MPPE1: variants seen among roughly 807,000 people sequenced by gnomAD.
The protein encoded by MPPE1 is metallophosphoesterase 1, also known as metallo phosphoesterase.
Under a neutral mutation model 43.8 loss-of-function variants are expected in MPPE1, and 28 were observed. The observed-to-expected ratio is 0.64, with a 90% CI of 0.47 to 0.88. The LOEUF is 0.88. Ranked by LOEUF, MPPE1 falls within the 40% of genes least tolerant of loss-of-function variation. The probability of loss-of-function intolerance (pLI) is 0.00; values close to 1 mark genes in which losing one functional copy is unlikely to be tolerated. For synonymous variants in MPPE1, 159 were observed against 188.5 expected, an observed-to-expected ratio of 0.84 and a Z score of 1.28; for missense variants, 428 against 492.2, an observed-to-expected ratio of 0.87 and a Z score of 1.23.
intron 2 of MPPE1, among the ~76,000 whole-genome samples, chr18:11,898,254 C>T (rs7232883): frequency 0.27 from 40,303 of 151,658 alleles, 7,881 homozygotes; most frequent in African/African-American, 0.55. Flanking sequence ...TTTTTTTTAG[C>T]AGAGACGGTT....
At chr18:11,901,200 T>C (rs1003570975) in intron 2 of MPPE1, among the ~76,000 whole-genome samples, 2 of 152,010 alleles carry the variant, frequency 1.3e-5, no homozygotes, top group Non-Finnish European at 2.9e-5. Context: ...AGAATGGCAT[T>C]ACCTATATTA....
intron 10 of MPPE1, 126 bp downstream of exon 10, chr18:11,885,550 T>G (rs904677791): frequency 2.3e-5 from 27 of 1,165,550 alleles, no homozygotes; most frequent in Non-Finnish European, 3.3e-5. Context: ...GAGCTACGTG[T>G]AGAAGGAGAG....
In MPPE1 at chr18:11,886,952, T is replaced by A; in HGVS notation, c.643A>T (p.Ile215Phe). 6.2e-7 allele frequency: 1 copy of A among 1,613,742 alleles called. No homozygotes were observed. Among genetic ancestry groups the A allele is most frequent in the Non-Finnish European group, 8.5e-7 (1 of 1,179,830 alleles). ...CAGTTCAGTCTGTGAGAAACTTCAATGAGCTCTGCTTCTGTTTCAGAGCAG... is the reference window on the plus strand; with the variant it reads ...CAGTTCAGTCTGTGAGAAACTTCAAAGAGCTCTGCTTCTGTTTCAGAGCAG... ...GICSETEAELIEVSHRLNCSR... is the reference protein window; with the variant it reads ...GICSETEAELFEVSHRLNCSR... Residue 215 changes from isoleucine to phenylalanine, a missense_variant, in exon 7 of 11, where the codon ATT (isoleucine) becomes TTT (phenylalanine). This residue lies in a region of MPPE1 where 379 missense variants were observed against 402.5 expected (regional missense o/e 0.94). Transcript: ENST00000588072. This position sits in a 1 kb window ranked among gnomAD's most constrained non-coding sequence, Gnocchi z 4.1.
intron 10 of MPPE1, 163 bp downstream of exon 10, chr18:11,885,513 A>C: frequency 1.3e-6 from 1 of 783,508 alleles, no homozygotes; most frequent in Non-Finnish European, 2.0e-6. Context: ...GGTTCCCGGA[A>C]GGGTGTTTGG....
At position 11,888,975 on chromosome 18, in the gene MPPE1, G is replaced by A. The variant is rs113158302; in HGVS notation, c.495-232C>T. On this transcript the variant is annotated intron_variant, in intron 5 of 10. Transcript: ENST00000588072. Reference sequence around the variant, plus strand: ...GGGCCTCAGATTCCACATTGGTACCGTAGGTAAAACAACAGGACCATGGTA... The same window carrying A: ...GGGCCTCAGATTCCACATTGGTACCATAGGTAAAACAACAGGACCATGGTA... 7.2e-3 allele frequency among the ~76,000 whole-genome samples: 1,104 copies of A among 152,282 alleles called. 9 individuals carry two copies. Among genetic ancestry groups the A allele is most frequent in the African/African-American group, 0.015 (636 of 41,570 alleles).
At chr18:11,896,284 T>C (rs2038607945) in intron 3 of MPPE1, among the ~76,000 whole-genome samples, 2 of 151,806 alleles carry the variant, frequency 1.3e-5, no homozygotes, top group South Asian at 4.2e-4. Flanking sequence ...CTATTTTTAG[T>C]AGAGATGGAG....
rs759062729 is a variant in MPPE1, at chr18:11,884,587, T to C, written c.1049A>G (p.Tyr350Cys). 4 of 1,613,546 alleles carry C rather than the reference T, an allele frequency of 2.5e-6. No homozygotes were observed. In the African/African-American group the frequency reaches 5.3e-5, roughly 22 times the overall value. The change falls in exon 11 of 11, where the codon TAC (tyrosine) becomes TGC (cysteine). Residue 350 changes from tyrosine to cysteine, a missense_variant. This residue lies in a region of MPPE1 where 379 missense variants were observed against 402.5 expected (regional missense o/e 0.94). Transcript: ENST00000588072. The stretch of plus-strand genomic sequence containing the variant: ...CAAAACCACATCCTCACGTGGGAGG[T>C]AGCACTTGGAGAGGGTGTAGTCTGT... Reference protein sequence around the residue: ...TPTDYTLSKCYLPREDVVLII... With the variant: ...TPTDYTLSKCCLPREDVVLII...
chr18:11,885,640 T>C (rs781195363), intron 10 of MPPE1, 36 bp downstream of exon 10: 9 of 1,594,102 alleles, frequency 5.6e-6, no homozygotes, highest in Admixed American at 1.7e-5. Context: ...TAAATACTTA[T>C]GAAAGCTTTC....
chr18:11,884,115 A>C lies in MPPE1; in HGVS notation c.*330T>G. Reference sequence around the variant, plus strand: ...ATAATCCCAAGTGTGTGCTGGGGCCACCAGGCCCTTCCTGGGGGAACAAGG... The same window carrying C: ...ATAATCCCAAGTGTGTGCTGGGGCCCCCAGGCCCTTCCTGGGGGAACAAGG... On this transcript the variant is annotated 3_prime_UTR_variant, in exon 11 of 11. Coordinates refer to ENST00000588072, the MANE Select transcript of MPPE1 (RefSeq NM_023075.6). 1 of 248,178 alleles carries C rather than the reference A, an allele frequency of 4.0e-6. No homozygotes were observed. The highest frequency in any genetic ancestry group is 8.0e-6 in the Non-Finnish European group (1 of 125,786). 15.4% of individuals were successfully genotyped at this position (248,178 alleles called of 1,614,324 possible). A position where few individuals can be genotyped will look rare whatever the true frequency, so the allele number is the denominator to read the frequency against.
chr18:11,887,764 G>A (rs539786128), intron 6 of MPPE1, among the ~76,000 whole-genome samples: 5 of 152,338 alleles, frequency 3.3e-5, no homozygotes, highest in African/African-American at 1.2e-4. Context: ...GTTATCAAGT[G>A]ATCAGCAGTA....
At chr18:11,894,111 C>T (rs946709124) in intron 3 of MPPE1, among the ~76,000 whole-genome samples, 2 of 152,054 alleles carry the variant, frequency 1.3e-5, no homozygotes, top group African/African-American at 4.8e-5. Context: ...GAGTAATCCT[C>T]CCAGAGGTAA....
rs765663852 is a variant in MPPE1 at position 11,886,713 on chromosome 18, C to T, written c.744G>A (p.Gln248=). The change falls in exon 8 of 11, where the codon CAG becomes CAA. Residue 248 remains glutamine, a splice_region_variant and synonymous_variant. Coordinates refer to ENST00000588072, the MANE Select transcript of MPPE1 (RefSeq NM_023075.6). The surrounding 1 kb of genome is among the most constrained non-coding windows in gnomAD (Gnocchi z 4.1). ...TGAGCCCTTTCCTCCCCCAGCTCAC[C>T]TGCAGGAGGACAGGGGCAGACGTGG... ...LLPTSAPVLL[Q]HYPLYRRSDA... is the part of the protein sequence containing the mutation. 6.2e-7 allele frequency: 1 copy of T among 1,613,752 alleles called. No homozygotes were observed. Among genetic ancestry groups the T allele is most frequent in the Non-Finnish European group, 8.5e-7 (1 of 1,180,024 alleles).
chr18:11,898,386 C>T (rs2038812274), intron 2 of MPPE1, among the ~76,000 whole-genome samples: 1 of 152,044 alleles, frequency 6.6e-6, no homozygotes, highest in Admixed American at 6.6e-5. Context: ...TATAGTTTAA[C>T]TTTGAAGCAA....
At chr18:11,892,470 G>A (rs770557938) in intron 4 of MPPE1, among the ~76,000 whole-genome samples, 7 of 152,138 alleles carry the variant, frequency 4.6e-5, no homozygotes, top group Non-Finnish European at 1.0e-4. Flanking sequence ...AGGAGTTTGA[G>A]ACCAGCCTGA....
At chr18:11,894,431 C>CAAAAAAAAAAAAA (rs66687820) in intron 3 of MPPE1, among the ~76,000 whole-genome samples, 1 of 65,164 alleles carries the variant, frequency 1.5e-5, no homozygotes, top group Non-Finnish European at 3.0e-5. Flanking sequence ...GACTCCATCT[C>CAAAAAAAAAAAAA]AAAAAAAAAA....
At chr18:11,885,521 TG>T in intron 10 of MPPE1, 154 bp downstream of exon 10, 1 of 860,996 alleles carries the variant, frequency 1.2e-6, no homozygotes, top group Admixed American at 2.8e-5. Flanking sequence ...GAAGGGTGTT[TG>T]GCAAGGGGCA....
chr18:11,884,454 C>CTT lies in MPPE1; in HGVS notation c.1180_1181dup (p.Thr395ArgfsTer10), dbSNP rs201590706. 10 of 1,614,006 alleles carry CTT rather than the reference C, an allele frequency of 6.2e-6. No homozygotes were observed. In the East Asian group the frequency reaches 2.2e-4, roughly 36 times the overall value. On this transcript the variant is annotated frameshift_variant, in exon 11 of 11. Transcript: ENST00000588072. LOFTEE classifies it high-confidence loss of function. ...TAATGGCGCCTGCTCTTCATCTTGTCTTACGCTTTCCGAGCAAGTTCAAAC... is the reference window on the plus strand; with the variant it reads ...TAATGGCGCCTGCTCTTCATCTTGTCTTTTACGCTTTCCGAGCAAGTTCAAAC...
Position 11,886,617 on chromosome 18 carries a change from T to TAATG in MPPE1, c.745_748dup (p.Tyr250SerfsTer9). On this transcript the variant is annotated frameshift_variant, in exon 9 of 11. Coordinates refer to ENST00000588072, the MANE Select transcript of MPPE1 (RefSeq NM_023075.6). LOFTEE classifies it high-confidence loss of function. The surrounding 1 kb of genome is among the most constrained non-coding windows in gnomAD (Gnocchi z 4.1). ...AGCATCACTTCTCCGATACAGAGGA[T>TAATG]AATGCTGTCCGGGGTGGAGAGAGGA... The TAATG allele has an allele frequency of 6.2e-7, 1 of 1,614,166 alleles. No individual in the cohort carries two copies. The highest frequency in any genetic ancestry group is 2.2e-5 in the East Asian group (1 of 44,882).
chr18:11,895,904 T>C, intron 3 of MPPE1, among the ~76,000 whole-genome samples: 1 of 151,554 alleles, frequency 6.6e-6, no homozygotes, highest in Non-Finnish European at 1.5e-5. Context: ...CCATGGGAAG[T>C]AAAAATCTAG....
Sources: gnomAD v4.1 joint callset for allele counts (sites outside exome capture counted in the v4.1 genomes callset) on GRCh38, gnomAD v4.1.1 for gene constraint, gnomAD v4.1.1 regional missense constraint, Gnocchi (gnomAD v3.1) non-coding constraint, MANE v1.5 for transcripts, NCBI Gene and HGNC (gene_info 2026-07-23, HGNC 2026-07-21) for gene names.